Variants in NEBL observed in about 807,000 individuals in gnomAD.
NEBL encodes nebulette, also known as LIM and SH3 protein 2.
A neutral mutation model predicts 140.2 loss-of-function variants in NEBL; 122 were observed. That is an observed-to-expected ratio of 0.87 (90% CI 0.75 to 1.01). The LOEUF (loss-of-function observed/expected upper bound fraction) is 1.01, where lower values mean the gene tolerates loss of function less well. Ranked by LOEUF, NEBL falls within the 50% of genes least tolerant of loss-of-function variation. NEBL has a pLI of 0.00. For synonymous variants in NEBL, 436 were observed against 398.9 expected (o/e 1.09, Z -1.11); for missense variants, 1,365 against 1,231.3 (o/e 1.11, Z -1.62).
chr10:20,880,685 T>G, intron 5 of NEBL, 109 bp downstream of exon 5: 1 of 843,226 alleles, frequency 1.2e-6, no homozygotes, highest in Non-Finnish European at 2.0e-6. Flanking sequence ...TATTAAAGTC[T>G]TTTTTGAACA....
At chr10:20,943,419 A>T (rs976914598) in intron 4 of NEBL, among the ~76,000 whole-genome samples, 6 of 152,216 alleles carry the variant, frequency 3.9e-5, no homozygotes, top group African/African-American at 1.4e-4. Flanking sequence ...GAAGGGGAAC[A>T]TCACACACCG....
intron 2 of NEBL, among the ~76,000 whole-genome samples, chr10:21,145,347 T>C (rs557724512): frequency 2.0e-5 from 3 of 152,358 alleles, no homozygotes; most frequent in South Asian, 2.1e-4. Context: ...TGCAGCACTA[T>C]TTATTTAAAT....
intron 26 of NEBL, among the ~76,000 whole-genome samples, chr10:20,791,172 T>A (rs1294746100): frequency 6.6e-6 from 1 of 152,234 alleles, no homozygotes; most frequent in African/African-American, 2.4e-5. Context: ...ACCAAAGATC[T>A]AGAAGCTGTC....
chr10:20,859,171 G>T (rs549784467), intron 8 of NEBL, among the ~76,000 whole-genome samples: 34 of 152,072 alleles, frequency 2.2e-4, no homozygotes, highest in Non-Finnish European at 4.1e-4. Flanking sequence ...ATTCTAACAA[G>T]AATTTAAAAC....
In NEBL at chr10:21,057,542, C is replaced by CTTTTTTT. The variant is rs5783764; in HGVS notation, c.165-37348_165-37342dup. Among the ~76,000 whole-genome samples the CTTTTTTT allele has an allele frequency of 3.2e-4, 23 of 71,756 alleles. 1 individual carries two copies. The highest frequency in any genetic ancestry group is 4.8e-4 in the East Asian group (1 of 2,080). 47.1% of individuals were successfully genotyped at this position (71,756 alleles called of 152,430 possible). ...TGATACCTAATAGCCAATGAAATTC[C>CTTTTTTT]TTTTTTTTTTTTTTTTTTTTTTTTT... On this transcript the variant is annotated intron_variant, in intron 2 of 6. Coordinates refer to the NEBL transcript ENST00000417816.
chr10:20,853,449 C>T (rs1842737573), intron 9 of NEBL, among the ~76,000 whole-genome samples: 1 of 152,118 alleles, frequency 6.6e-6, no homozygotes, highest in Non-Finnish European at 1.5e-5. Flanking sequence ...AAATGTGGCA[C>T]ATATACACAA....
intron 2 of NEBL, among the ~76,000 whole-genome samples, chr10:21,162,608 C>T (rs982087097): frequency 6.6e-6 from 1 of 152,190 alleles, no homozygotes; most frequent in Non-Finnish European, 1.5e-5. Flanking sequence ...GCTGACTTGA[C>T]CTCGCCTATC....
chr10:20,844,526 G>T (rs1444956263), intron 12 of NEBL, among the ~76,000 whole-genome samples: 2 of 145,080 alleles, frequency 1.4e-5, no homozygotes, highest in African/African-American at 5.3e-5. Context: ...AAAAAAAAAA[G>T]CTTTTAAAGG....
At chr10:21,262,155 G>C (rs912927315) in intron 1 of NEBL, among the ~76,000 whole-genome samples, 3 of 152,144 alleles carry the variant, frequency 2.0e-5, no homozygotes, top group Non-Finnish European at 4.4e-5. Flanking sequence ...CGAGGGCCTC[G>C]ATAGGAGATT....
intron 2 of NEBL, among the ~76,000 whole-genome samples, chr10:21,140,140 G>A (rs1035537153): frequency 1.3e-5 from 2 of 152,046 alleles, no homozygotes; most frequent in Non-Finnish European, 2.9e-5. Flanking sequence ...CAGCGTGGTC[G>A]ACAGAGCGAG....
chr10:21,107,573 T>C (rs1171091904), intron 2 of NEBL, among the ~76,000 whole-genome samples: 1 of 152,266 alleles, frequency 6.6e-6, no homozygotes, highest in African/African-American at 2.4e-5. Flanking sequence ...AGTTTGCCAG[T>C]ATTTTATTGA....
chr10:21,065,859 G>A (rs977017508), intron 2 of NEBL, among the ~76,000 whole-genome samples: 1 of 152,150 alleles, frequency 6.6e-6, no homozygotes, highest in Non-Finnish European at 1.5e-5. Context: ...ATTGCACCAG[G>A]TTAAGAACAT....
At chr10:21,271,644 A>G (rs925243555) in intron 1 of NEBL, among the ~76,000 whole-genome samples, 6 of 151,006 alleles carry the variant, frequency 4.0e-5, no homozygotes, top group Non-Finnish European at 8.9e-5. Flanking sequence ...TCCTGCCTCA[A>G]CCTCCTGAGC....
chr10:20,842,210 T>G (rs1427140540), intron 12 of NEBL, among the ~76,000 whole-genome samples: 1 of 152,132 alleles, frequency 6.6e-6, no homozygotes, highest in Admixed American at 6.6e-5. Flanking sequence ...GACATTGGAA[T>G]GGACTGTTTT....
intron 4 of NEBL, among the ~76,000 whole-genome samples, chr10:20,918,644 C>T (rs749570412): frequency 6.6e-6 from 1 of 151,514 alleles, no homozygotes; most frequent in African/African-American, 2.4e-5. Context: ...GTCAGGAGAT[C>T]GAGACCATCC....
chr10:20,895,392 A>T (rs1180562259), intron 2 of NEBL, among the ~76,000 whole-genome samples: 1 of 152,156 alleles, frequency 6.6e-6, no homozygotes, highest in African/African-American at 2.4e-5. Context: ...TGGCAGTGTA[A>T]AGAGGGAGGC....
intron 4 of NEBL, among the ~76,000 whole-genome samples, chr10:20,947,312 TAAG>T (rs1242688181): frequency 1.3e-5 from 2 of 152,080 alleles, no homozygotes; most frequent in Non-Finnish European, 2.9e-5. Context: ...AGCACAGATT[TAAG>T]ATGAGAAGGT....
chr10:21,264,968 T>A (rs115699655), intron 1 of NEBL, among the ~76,000 whole-genome samples: 2,668 of 151,788 alleles, frequency 0.018, 85 homozygotes, highest in African/African-American at 0.06. Context: ...TGAGACAGAG[T>A]CTAGAGTGCA....
intron 3 of NEBL, among the ~76,000 whole-genome samples, chr10:21,246,207 T>C (rs1842515046): frequency 1.3e-5 from 2 of 152,168 alleles, no homozygotes; most frequent in African/African-American, 2.4e-5. Flanking sequence ...CCATGCCAAG[T>C]GTTTAAAAAA....
Sources: allele counts gnomAD v4.1 joint callset (sites outside exome capture counted in the v4.1 genomes callset), GRCh38; gene constraint gnomAD v4.1.1; transcripts MANE v1.5; gene names NCBI Gene and HGNC (gene_info 2026-07-23, HGNC 2026-07-21).